The following IGFN1 variants were observed in gnomAD, a reference collection of about 807,000 sequenced individuals.
IGFN1 encodes immunoglobulin-like and fibronectin type III domain-containing protein 1.
A neutral mutation model predicts 289.5 loss-of-function variants in IGFN1; 253 were observed. The ratio of observed to expected loss-of-function variants is 0.87; its 90% confidence interval spans 0.79 to 0.97. IGFN1 has a LOEUF of 0.97. Ranked by LOEUF, IGFN1 falls within the 50% of genes least tolerant of loss-of-function variation. IGFN1 has a pLI of 0.00. For missense variants in IGFN1, 4,470 were observed against 4,686.1 expected, an observed-to-expected ratio of 0.95 and a Z score of 1.35; for synonymous variants, 1,706 against 1,788.5, an observed-to-expected ratio of 0.95 and a Z score of 1.16.
chr1:201,224,381 T>C (rs1295664016), intron 20 of IGFN1, among the ~76,000 whole-genome samples: 1 of 152,156 alleles, frequency 6.6e-6, no homozygotes, highest in African/African-American at 2.4e-5. Context: ...GAGAGGATAA[T>C]GTCCAGATGT....
chr1:201,221,231 G>A (rs1653700505), intron 18 of IGFN1, among the ~76,000 whole-genome samples: 1 of 152,230 alleles, frequency 6.6e-6, no homozygotes, highest in Non-Finnish European at 1.5e-5. Flanking sequence ...AGGCTTCCTG[G>A]TGGAGGTGGC....
intron 20 of IGFN1, 42 bp downstream of exon 20, chr1:201,222,869 G>A (rs752163140): frequency 2.2e-6 from 3 of 1,388,114 alleles, no homozygotes; most frequent in Non-Finnish European, 3.1e-6. Context: ...AGCCCAGAGA[G>A]GCCAAGGGGG....
In IGFN1 at chr1:201,212,155, G is replaced by A; in HGVS notation, c.7262G>A (p.Gly2421Glu). ...ETRLVDGAGP[G>E]VEPGMAGMPG... ...AGGCTTGTGGATGGGGCAGGACCTG[G>A]GGTGGAACCTGGGATGGCTGGAATG... The change falls in exon 12 of 24, where the codon GGG becomes GAG. Residue 2421 changes from glycine to glutamate, a missense_variant. Transcript: ENST00000335211. 2.6e-6 allele frequency: 4 copies of A among 1,536,280 alleles called. No homozygotes were observed. Among genetic ancestry groups the A allele is most frequent in the South Asian group, 1.2e-5 (1 of 84,048 alleles).
intron 20 of IGFN1, among the ~76,000 whole-genome samples, chr1:201,223,411 C>T (rs1428579633): frequency 6.6e-6 from 1 of 151,372 alleles, no homozygotes; most frequent in African/African-American, 2.4e-5. Context: ...CACTCTGTCA[C>T]CCAGGCTGGA....
Position 201,209,083 on chromosome 1 carries a change from G to A in IGFN1, c.4190G>A (p.Arg1397Lys). 6.5e-7 allele frequency: 1 copy of A among 1,536,566 alleles called. No individual in the cohort carries two copies. Among genetic ancestry groups the A allele is most frequent in the Non-Finnish European group, 8.7e-7 (1 of 1,146,716 alleles). ...GMGAGYRAGL[R>K]GPGEMGSLDE... The stretch of plus-strand genomic sequence containing the variant: ...GGTGCAGGTTACAGGGCTGGTTTAA[G>A]GGGTCCTGGGGAGATGGGGTCACTG... Residue 1397 changes from arginine to lysine, a missense_variant, in exon 12 of 24, where the codon AGG (arginine) becomes AAG (lysine). Transcript: ENST00000335211.
rs778396416 is a variant in IGFN1, at chr1:201,212,605, G to A, written c.7712G>A (p.Gly2571Glu). The change falls in exon 12 of 24, where the codon GGG becomes GAG. Residue 2571 changes from glycine (G) to glutamate (E), a missense_variant. By Grantham distance (98) the Gly-to-Glu change is moderately conservative. This residue lies in a region of IGFN1 where 2,218 missense variants were observed against 2,114.1 expected (regional missense o/e 1.05). Transcript: ENST00000335211. The part of the protein sequence containing the change: ...TDRGRVAGQG[G>E]LASQGGGDSL... The stretch of plus-strand genomic sequence containing the variant: ...AGGGGTAGAGTTGCTGGCCAGGGGG[G>A]GTTGGCATCTCAGGGAGGTGGGGAC... 1.9e-6 allele frequency: 3 copies of A among 1,546,044 alleles called. No homozygotes were observed. Among genetic ancestry groups the A allele is most frequent in the Non-Finnish European group, 2.6e-6 (3 of 1,144,436 alleles).
chr1:201,217,219 C>G, intron 16 of IGFN1, 68 bp from the exon 17 acceptor site: 1 of 1,460,582 alleles, frequency 6.8e-7, no homozygotes, highest in South Asian at 1.2e-5. Context: ...CCCCCTACCC[C>G]CAGGGGCTCC....
At chr1:201,228,243 G>C in intron 23 of IGFN1, 143 bp from the exon 24 acceptor site, 1 of 841,704 alleles carries the variant, frequency 1.2e-6, no homozygotes, top group East Asian at 2.4e-5. Context: ...TAGAGAGCAC[G>C]TGGTGGCTCC....
chr1:201,208,075 G>T lies in IGFN1; in HGVS notation c.3182G>T (p.Cys1061Phe). 3 of 1,537,064 alleles carry T rather than the reference G, an allele frequency of 2.0e-6. No individual in the cohort carries two copies. Among genetic ancestry groups the T allele is most frequent in the Non-Finnish European group, 2.6e-6 (3 of 1,146,866 alleles). ...MNDTRNWASACQAGMDPRGGH... is the reference protein window; with the variant it reads ...MNDTRNWASAFQAGMDPRGGH... The stretch of plus-strand genomic sequence containing the variant: ...GACACCAGGAATTGGGCCTCTGCAT[G>T]CCAGGCAGGCATGGACCCTAGGGGA... Residue 1061 changes from cysteine to phenylalanine, a missense_variant, in exon 12 of 24, where the codon TGC becomes TTC. By Grantham distance (205) the Cys-to-Phe change is radical. Around this residue, in one of 8 missense-constraint regions of IGFN1, gnomAD observed 2,011 missense variants for 1,953.4 expected, o/e 1.03. Coordinates refer to ENST00000335211, the MANE Select transcript of IGFN1 (RefSeq NM_001164586.2).
rs891889286 is a variant in IGFN1, at chr1:201,224,870, G to A, written c.10482G>A (p.Val3494=). ...KEVAHSFRIR[V]AACPQAPGPI... The stretch of plus-strand genomic sequence containing the variant: ...TTGCCCACAGCTTCCGTATCAGGGT[G>A]GCAGGTGAGGCAGGCCTTGCTCTGG... The change falls in exon 21 of 24, where the codon GTG becomes GTA. Residue 3494 remains valine, a synonymous_variant. Transcript: ENST00000335211. 19 of 1,611,202 alleles carry A rather than the reference G, an allele frequency of 1.2e-5. No homozygotes were observed. Among genetic ancestry groups the A allele is most frequent in the Non-Finnish European group, 1.4e-5 (17 of 1,178,622 alleles).
chr1:201,194,781 T>C (rs1194935323), intron 3 of IGFN1, among the ~76,000 whole-genome samples: 2 of 152,176 alleles, frequency 1.3e-5, no homozygotes, highest in African/African-American at 4.8e-5. Flanking sequence ...GGGGAAAAAG[T>C]GGGAATTGGT....
chr1:201,228,209 C>T (rs1654237892), intron 23 of IGFN1, among the ~76,000 whole-genome samples, 177 bp from the exon 24 acceptor site: 1 of 152,192 alleles, frequency 6.6e-6, no homozygotes, highest in South Asian at 2.1e-4. Context: ...CCCCGAGGGG[C>T]CAGCAAAGGG....
intron 3 of IGFN1, among the ~76,000 whole-genome samples, chr1:201,194,586 C>G (rs1558131857): frequency 6.6e-6 from 1 of 152,160 alleles, no homozygotes; most frequent in Non-Finnish European, 1.5e-5. Context: ...GTTTCCTGGT[C>G]CCTGTCTCCT....
intron 18 of IGFN1, 68 bp from the exon 19 acceptor site, chr1:201,221,376 A>ATCAATAT: frequency 8.2e-7 from 1 of 1,215,802 alleles, no homozygotes; most frequent in Non-Finnish European, 1.1e-6. Flanking sequence ...AGGAAGGCTA[A>ATCAATAT]TCAATATCCA....
chr1:201,218,420 G>T, intron 17 of IGFN1, 110 bp from the exon 18 acceptor site: 1 of 994,276 alleles, frequency 1.0e-6, no homozygotes, highest in Non-Finnish European at 1.5e-6. Flanking sequence ...TGTAGGGAGG[G>T]ATGTGTTAGG....
intron 9 of IGFN1, among the ~76,000 whole-genome samples, chr1:201,203,052 G>A (rs536974166): frequency 2.4e-4 from 36 of 152,042 alleles, no homozygotes; most frequent in Admixed American, 3.9e-4. Context: ...CATCACACCC[G>A]GCCAGTTCTA....
At chr1:201,215,859 C>T in intron 15 of IGFN1, 21 bp downstream of exon 15, 2 of 1,603,928 alleles carry the variant, frequency 1.2e-6, no homozygotes, top group Non-Finnish European at 8.5e-7. Context: ...TGTCTTCCCC[C>T]AACTAAGGCC....
intron 22 of IGFN1, 84 bp from the exon 23 acceptor site, chr1:201,226,798 C>A: frequency 9.3e-7 from 1 of 1,080,432 alleles, no homozygotes; most frequent in Non-Finnish European, 1.4e-6. Flanking sequence ...ATGGTAGCTT[C>A]ATGAACTCTT....
chr1:201,215,526 G>C lies in IGFN1; in HGVS notation c.8996-13G>C. 1 of 1,543,438 alleles carries C rather than the reference G, an allele frequency of 6.5e-7. No individual in the cohort carries two copies. Among genetic ancestry groups the C allele is most frequent in the African/African-American group, 1.4e-5 (1 of 72,854 alleles). ...TGCCCTGGTCTTCCTTGACTCTCTTGTTTTATTTCTAGATTCCCCTACCAT... is the reference window on the plus strand; with the variant it reads ...TGCCCTGGTCTTCCTTGACTCTCTTCTTTTATTTCTAGATTCCCCTACCAT... On this transcript the variant is annotated splice_polypyrimidine_tract_variant and intron_variant, in intron 14 of 23. Coordinates refer to ENST00000335211, the MANE Select transcript of IGFN1 (RefSeq NM_001164586.2).
Sources: allele counts gnomAD v4.1 joint callset (sites outside exome capture counted in the v4.1 genomes callset), GRCh38; gene constraint gnomAD v4.1.1; regional missense constraint gnomAD v4.1.1; transcripts MANE v1.5; gene names NCBI Gene and HGNC (gene_info 2026-07-23, HGNC 2026-07-21).